The following PRSS23 variants were observed in gnomAD, a reference collection of about 807,000 sequenced individuals.
PRSS23 encodes serine protease 23.
In PRSS23, 25 loss-of-function variants were observed where a neutral mutation model predicts 34.7. That is an observed-to-expected ratio of 0.72 (90% CI 0.53 to 1.01). The LOEUF (loss-of-function observed/expected upper bound fraction) is 1.01. Among genes scored for constraint, PRSS23 ranks in the 50% least tolerant of loss-of-function variants. The probability of loss-of-function intolerance (pLI) is 0.00; values close to 1 mark genes in which losing one functional copy is unlikely to be tolerated. For missense variants in PRSS23, 445 were observed against 475.6 expected, an observed-to-expected ratio of 0.94 and a Z score of 0.60; for synonymous variants, 176 against 186.6, an observed-to-expected ratio of 0.94 and a Z score of 0.46.
chr11:86,824,586 A>G (rs867606639), intron 2 of PRSS23, among the ~76,000 whole-genome samples: 3 of 148,288 alleles, frequency 2.0e-5, no homozygotes, highest in East Asian at 2.0e-4. Context: ...CCATTAACTC[A>G]TCATTTAGCA....
intron 2 of PRSS23, among the ~76,000 whole-genome samples, chr11:86,872,346 T>C (rs1301874542): frequency 6.6e-6 from 1 of 152,236 alleles, no homozygotes; most frequent in East Asian, 1.9e-4. Context: ...TCTGAGTTCT[T>C]TAAAGTTCTT....
At chr11:86,883,153 T>C (rs1393579595) in intron 2 of PRSS23, among the ~76,000 whole-genome samples, 1 of 152,240 alleles carries the variant, frequency 6.6e-6, no homozygotes, top group East Asian at 1.9e-4. Context: ...TTCTGTAGAT[T>C]GTCTGTTTAC....
chr11:86,815,098 G>A (rs1948206092), downstream of PRSS23, among the ~76,000 whole-genome samples: 1 of 152,182 alleles, frequency 6.6e-6, no homozygotes. Context: ...AGAATGAGGA[G>A]AGTCTCAGGA....
chr11:86,879,324 A>C (rs1948751478), intron 2 of PRSS23, among the ~76,000 whole-genome samples: 1 of 146,172 alleles, frequency 6.8e-6, no homozygotes, highest in African/African-American at 2.6e-5. Flanking sequence ...CCCGTCTGAG[A>C]AGTGAGGAGA....
rs1225362851 is a variant in PRSS23, at chr11:86,834,506, T to TTTTCCTTTCCTTTCC, written c.206+10947_206+10961dup. On this transcript the variant is annotated intron_variant, in intron 2 of 2. Transcript: ENST00000533902. ...ATATCTGCTTGGTGATTCCCTTCTA[T>TTTTCCTTTCCTTTCC]TTTCCTTTCCTTTCCTTTCCTTTCC... Among the ~76,000 whole-genome samples the TTTTCCTTTCCTTTCC allele has an allele frequency of 4.2e-4, 48 of 115,222 alleles. 1 individual carries two copies. Among genetic ancestry groups the TTTTCCTTTCCTTTCC allele is most frequent in the East Asian group, 1.5e-3 (6 of 3,916 alleles). 75.6% of individuals were successfully genotyped at this position (115,222 alleles called of 152,430 possible). A position where few individuals can be genotyped will look rare whatever the true frequency, so the allele number is the denominator to read the frequency against.
chr11:86,891,315 C>G (rs924299319), intron 2 of PRSS23, among the ~76,000 whole-genome samples: 2 of 152,192 alleles, frequency 1.3e-5, no homozygotes, highest in Non-Finnish European at 2.9e-5. Flanking sequence ...GGTTTTATTG[C>G]CCCCTCAGTA....
chr11:86,824,171 GGCCCCGTAT>G (rs1236525033), intron 2 of PRSS23, among the ~76,000 whole-genome samples: 1 of 151,462 alleles, frequency 6.6e-6, no homozygotes, highest in Admixed American at 6.6e-5. Flanking sequence ...AGCCGGGCAT[GGCCCCGTAT>G]GCCTGTGGTT....
At chr11:86,849,419 C>T (rs1199933308) in intron 2 of PRSS23, among the ~76,000 whole-genome samples, 1 of 152,120 alleles carries the variant, frequency 6.6e-6, no homozygotes, top group African/African-American at 2.4e-5. Context: ...CATTTGTTGT[C>T]CCCTACTTGA....
intron 2 of PRSS23, among the ~76,000 whole-genome samples, chr11:86,846,355 C>T (rs1352116659): frequency 6.6e-6 from 1 of 152,104 alleles, no homozygotes; most frequent in African/African-American, 2.4e-5. Flanking sequence ...GGAGGCTAAA[C>T]TAGGCACCTG....
At position 86,808,481 on chromosome 11, in the gene PRSS23, T is replaced by G; in HGVS notation, c.838T>G (p.Ser280Ala). 1 of 1,614,214 alleles carries G rather than the reference T, an allele frequency of 6.2e-7. No individual in the cohort carries two copies. The highest frequency in any genetic ancestry group is 8.5e-7 in the Non-Finnish European group (1 of 1,180,038). The change falls in exon 2 of 2, where the codon TCT becomes GCT. Residue 280 changes from serine (S) to alanine (A), a missense_variant. Physicochemically the swap from Ser to Ala is moderately conservative, Grantham distance 99 (BLOSUM62 1). Transcript: ENST00000280258. Reference protein sequence around the residue: ...KQLPGGRIHFSGYDNDRPGNL... With the variant: ...KQLPGGRIHFAGYDNDRPGNL... The stretch of plus-strand genomic sequence containing the variant: ...GCTGCCAGGGGGCAGAATTCACTTC[T>G]CTGGTTATGACAATGACCGACCAGG...
At chr11:86,879,713 G>C in intron 2 of PRSS23, among the ~76,000 whole-genome samples, 1 of 142,512 alleles carries the variant, frequency 7.0e-6, no homozygotes, top group African/African-American at 2.6e-5. Context: ...GCCCCATCCG[G>C]GAGGGAGGTG....
intron 2 of PRSS23, chr11:86,911,295 T>C (rs2134993718): frequency 6.6e-6 from 1 of 152,234 alleles, no homozygotes; most frequent in Admixed American, 6.5e-5. Context: ...ATTATTTTTA[T>C]ATAGAAATAT....
intron 2 of PRSS23, among the ~76,000 whole-genome samples, chr11:86,878,761 C>T (rs1240242837): frequency 4.0e-5 from 6 of 151,704 alleles, no homozygotes; most frequent in Non-Finnish European, 7.4e-5. Context: ...GCCTGGCTAC[C>T]CAGTCTGGAA....
chr11:86,807,248 A>T (rs1948111552), intron 1 of PRSS23, among the ~76,000 whole-genome samples: 1 of 152,044 alleles, frequency 6.6e-6, no homozygotes, highest in Non-Finnish European at 1.5e-5. Flanking sequence ...GGACATCATG[A>T]AGGTAGAAGA....
At chr11:86,861,748 T>G (rs1183924859) in intron 2 of PRSS23, among the ~76,000 whole-genome samples, 1 of 151,730 alleles carries the variant, frequency 6.6e-6, no homozygotes, top group African/African-American at 2.4e-5. Flanking sequence ...CCTGTGATAT[T>G]TTTTGTAATG....
chr11:86,912,774 T>A (rs954968703), intron 2 of PRSS23, among the ~76,000 whole-genome samples: 1 of 152,222 alleles, frequency 6.6e-6, no homozygotes, highest in Admixed American at 6.5e-5. Flanking sequence ...TCAGAGCTTG[T>A]CTCTATTAGC....
At chr11:86,917,367 G>A (rs938318559) in intron 2 of PRSS23, among the ~76,000 whole-genome samples, 16 of 152,066 alleles carry the variant, frequency 1.1e-4, no homozygotes, top group Non-Finnish European at 2.1e-4. Context: ...AATATTTCTG[G>A]GGAAAAAAAT....
intron 2 of PRSS23, among the ~76,000 whole-genome samples, chr11:86,851,486 CT>C (rs1948529052): frequency 1.3e-5 from 2 of 152,248 alleles, no homozygotes; most frequent in Non-Finnish European, 2.9e-5. Flanking sequence ...GCAGGGGCAT[CT>C]GCCCGAGTGA....
chr11:86,928,536 G>C (rs910215002), intron 2 of PRSS23, among the ~76,000 whole-genome samples: 1 of 148,068 alleles, frequency 6.8e-6, no homozygotes, highest in African/African-American at 2.5e-5. Context: ...TTAGCCGAGC[G>C]TGGTGGCAGA....
Sources: allele counts gnomAD v4.1 joint callset (sites outside exome capture counted in the v4.1 genomes callset), GRCh38; gene constraint gnomAD v4.1.1; transcripts MANE v1.5; gene names NCBI Gene and HGNC (gene_info 2026-07-23, HGNC 2026-07-21).